Variants in MGAM2 observed in about 807,000 individuals in gnomAD.
MGAM2 encodes maltase-glucoamylase 2 (putative).
Under a neutral mutation model 96.1 loss-of-function variants are expected in MGAM2, and 98 were observed. The ratio of observed to expected loss-of-function variants is 1.02; its 90% CI spans 0.87 to 1.21. The LOEUF is 1.21. MGAM2 is among the 50% of genes most tolerant of loss of function. The pLI is 0.00. For missense variants in MGAM2, 2,055 were observed against 1,182.4 expected (o/e 1.74, Z -10.82); for synonymous variants, 749 against 414.8 (o/e 1.81, Z -9.79).
chr7:142,194,722 G>A (rs1167166395), intron 37 of MGAM2, among the ~76,000 whole-genome samples: 1 of 151,832 alleles, frequency 6.6e-6, no homozygotes, highest in Non-Finnish European at 1.5e-5. Context: ...GTGTGTGTGT[G>A]TGTGTGTATT....
chr7:142,142,988 C>T (rs572841420), intron 12 of MGAM2, among the ~76,000 whole-genome samples: 2 of 152,212 alleles, frequency 1.3e-5, no homozygotes, highest in Admixed American at 6.5e-5. Flanking sequence ...TGATGCCCAT[C>T]GCCTAAAACA....
intron 37 of MGAM2, among the ~76,000 whole-genome samples, chr7:142,192,877 A>G (rs1413359084): frequency 6.6e-6 from 1 of 152,180 alleles, no homozygotes; most frequent in East Asian, 1.9e-4. Context: ...CTTCTAACTA[A>G]ACTTTCTCAT....
chr7:142,119,699 A>G lies in MGAM2; in HGVS notation c.107-603A>G, dbSNP rs373732250. Among the ~76,000 whole-genome samples, 18 of 152,362 alleles carry G rather than the reference A, an allele frequency of 1.2e-4. No individual in the cohort carries two copies. The South Asian group carries it at 2.9e-3, about 25-fold the overall frequency. On this transcript the variant is annotated intron_variant, in intron 2 of 47. Transcript: ENST00000477922. ...TAAACAAAATGTGGTATATCCACAC[A>G]CAAAAAATGTGATTCAGCCATTAAA...
chr7:142,178,833 A>G (rs1166446399), intron 32 of MGAM2, among the ~76,000 whole-genome samples: 1 of 152,160 alleles, frequency 6.6e-6, no homozygotes, highest in Non-Finnish European at 1.5e-5. Flanking sequence ...TAGATATAGC[A>G]TTGAATCTAT....
At chr7:142,213,395 G>T (rs1333074138) in intron 46 of MGAM2, among the ~76,000 whole-genome samples, 1 of 152,056 alleles carries the variant, frequency 6.6e-6, no homozygotes, top group East Asian at 1.9e-4. Flanking sequence ...CTGGTTTTTT[G>T]AAATGATTAA....
intron 1 of MGAM2, among the ~76,000 whole-genome samples, chr7:142,112,939 TC>T: frequency 6.6e-6 from 1 of 152,318 alleles, no homozygotes; most frequent in South Asian, 2.1e-4. Flanking sequence ...ACCTCGTGTC[TC>T]CAAGGGCTAA....
chr7:142,170,351 G>T (rs895236561), intron 27 of MGAM2, 122 bp downstream of exon 27: 5 of 492,046 alleles, frequency 1.0e-5, no homozygotes, highest in South Asian at 7.3e-5. Flanking sequence ...ATTTGTTAGA[G>T]TATATCTATT....
intron 32 of MGAM2, among the ~76,000 whole-genome samples, chr7:142,180,397 G>A (rs1796502191): frequency 6.6e-6 from 1 of 151,776 alleles, no homozygotes; most frequent in Non-Finnish European, 1.5e-5. Context: ...CGATCTTTGG[G>A]GTAAGTTTGT....
In MGAM2 at chr7:142,158,081, C is replaced by T. The variant is rs1449113853; in HGVS notation, c.2068C>T (p.Leu690Phe). The T allele has an allele frequency of 2.8e-6, 2 of 702,552 alleles. No individual in the cohort carries two copies. Among genetic ancestry groups the T allele is most frequent in the Non-Finnish European group, 2.6e-6 (1 of 384,816 alleles). The allele number at this position is 702,552 out of a possible 1,614,324, so 43.5% of individuals were successfully genotyped here. A position where few individuals can be genotyped will look rare whatever the true frequency, so the allele number is the denominator to read the frequency against. Reference sequence around the variant, plus strand: ...CCGGGGAGAGACGGTAGCAAGGCCCCTTGTACATGAGTGAGTTTCCTGATT... The same window carrying T: ...CCGGGGAGAGACGGTAGCAAGGCCCTTTGTACATGAGTGAGTTTCCTGATT... ...HTRGETVARPLVHEFYQDSAT... is the reference protein window; with the variant it reads ...HTRGETVARPFVHEFYQDSAT... Residue 690 changes from leucine (L) to phenylalanine (F), a missense_variant, in exon 18 of 48, where the codon CTT (leucine) becomes TTT (phenylalanine). Physicochemically the swap from Leu to Phe is conservative, Grantham distance 22. Transcript: ENST00000477922.
intron 37 of MGAM2, among the ~76,000 whole-genome samples, 186 bp downstream of exon 37, chr7:142,189,691 T>C (rs1219341752): frequency 6.6e-6 from 1 of 152,250 alleles, no homozygotes; most frequent in Non-Finnish European, 1.5e-5. Context: ...AATTCACCTA[T>C]TTAAAGTGAG....
intron 15 of MGAM2, among the ~76,000 whole-genome samples, chr7:142,149,663 C>A (rs888068082): frequency 6.6e-6 from 1 of 151,858 alleles, no homozygotes; most frequent in South Asian, 2.1e-4. Context: ...GCCTCAGCCT[C>A]CCAAGTAGCT....
chr7:142,184,440 G>A (rs924910276), intron 33 of MGAM2, among the ~76,000 whole-genome samples: 4 of 152,092 alleles, frequency 2.6e-5, no homozygotes, highest in African/African-American at 9.7e-5. Context: ...TAGCATTTAT[G>A]TACTATCTGT....
chr7:142,172,176 C>T lies in MGAM2; in HGVS notation c.3430C>T (p.Leu1144=), dbSNP rs775774533. 5.6e-6 allele frequency: 4 copies of T among 718,318 alleles called. No individual in the cohort carries two copies. In the South Asian group the frequency reaches 5.9e-5, roughly 11 times the overall value. 44.5% of individuals were successfully genotyped at this position (718,318 alleles called of 1,614,324 possible). A position where few individuals can be genotyped will look rare whatever the true frequency, so the allele number is the denominator to read the frequency against. Residue 1144 remains leucine, a synonymous_variant, in exon 29 of 48, where the codon CTA becomes TTA. Transcript: ENST00000477922. The part of the protein sequence containing the change: ...EDGSAHGVLL[L]NSNAMDVTLQ... ...TGGTAGTGCCCATGGAGTGCTCCTG[C>T]TAAATAGCAATGCCATGGGTAAGGC... is the stretch of plus-strand genomic sequence containing the variant.
At chr7:142,150,017 A>C in intron 15 of MGAM2, among the ~76,000 whole-genome samples, 1 of 149,888 alleles carries the variant, frequency 6.7e-6, no homozygotes, top group East Asian at 2.0e-4. Flanking sequence ...TCTCAGCACA[A>C]TGAAACCTCC....
chr7:142,117,382 T>G (rs1208276078), intron 2 of MGAM2, among the ~76,000 whole-genome samples: 1 of 152,178 alleles, frequency 6.6e-6, no homozygotes, highest in Non-Finnish European at 1.5e-5. Flanking sequence ...GTTGGCCTGG[T>G]TATACCAACA....
At chr7:142,117,931 GT>G (rs140874337) in intron 2 of MGAM2, among the ~76,000 whole-genome samples, 10,082 of 148,852 alleles carry the variant, frequency 0.068, 1,148 homozygotes, top group African/African-American at 0.23. Flanking sequence ...GCTTTCAACT[GT>G]TTTTTTTTCT....
chr7:142,120,721 G>T (rs1794544749), intron 3 of MGAM2, among the ~76,000 whole-genome samples: 1 of 152,156 alleles, frequency 6.6e-6, no homozygotes, highest in Admixed American at 6.5e-5. Flanking sequence ...TATTCTTTGA[G>T]AATAGAGGCC....
chr7:142,124,072 A>T (rs1794670154), intron 3 of MGAM2, among the ~76,000 whole-genome samples: 1 of 145,766 alleles, frequency 6.9e-6, no homozygotes, highest in African/African-American at 2.6e-5. Context: ...TCCCAGGTTC[A>T]GGTGATTCTC....
chr7:142,119,351 CA>C (rs1794485722), intron 2 of MGAM2, among the ~76,000 whole-genome samples: 1 of 152,092 alleles, frequency 6.6e-6, no homozygotes. Flanking sequence ...TTGGGAAGCG[CA>C]AGTCAAAACA....
Sources: allele counts gnomAD v4.1 joint callset (sites outside exome capture counted in the v4.1 genomes callset), GRCh38; gene constraint gnomAD v4.1.1; transcripts MANE v1.5; gene names NCBI Gene and HGNC (gene_info 2026-07-23, HGNC 2026-07-21).